GOLGA8T: variants seen among roughly 807,000 people sequenced by gnomAD.
GOLGA8T encodes golgin A8 family member T.
Under a neutral mutation model 52.0 loss-of-function variants are expected in GOLGA8T, and 17 were observed. The ratio of observed to expected loss-of-function variants is 0.33; its 90% CI spans 0.22 to 0.49. GOLGA8T has a LOEUF of 0.49. Ranked by LOEUF, GOLGA8T falls within the 20% of genes least tolerant of loss-of-function variation. The pLI is 0.99. For missense variants in GOLGA8T, 154 were observed against 462.1 expected, an observed-to-expected ratio of 0.33 and a Z score of 6.11; for synonymous variants, 67 against 169.5, an observed-to-expected ratio of 0.40 and a Z score of 4.70.
intron 2 of GOLGA8T, among the ~76,000 whole-genome samples, chr15:30,137,228 A>G (rs1376861443): frequency 3.4e-5 from 5 of 147,692 alleles, no homozygotes; most frequent in African/African-American, 1.3e-4. Flanking sequence ...ATACAAAAAC[A>G]TTAGCCAAGC....
chr15:30,142,384 T>C lies in GOLGA8T; in HGVS notation c.1200+2T>C, dbSNP rs567349703. 3 of 1,556,940 alleles carry C rather than the reference T, an allele frequency of 1.9e-6. 1 individual carries two copies. In the South Asian group the frequency reaches 3.4e-5, roughly 18 times the overall value. ...GAGCTACAGGAGAAGCTTGGCGAGG[T>C]GAAGGAGACGGAAACCTCCACCCCA... On this transcript the variant is annotated splice_donor_variant, in intron 13 of 18. Coordinates refer to ENST00000569052, the MANE Select transcript of GOLGA8T (RefSeq NM_001355469.2). LOFTEE classifies it high-confidence loss of function.
chr15:30,142,550 G>T (rs1270819630), intron 13 of GOLGA8T, among the ~76,000 whole-genome samples, 168 bp downstream of exon 13: 1 of 145,806 alleles, frequency 6.9e-6, no homozygotes, highest in Non-Finnish European at 1.5e-5. Context: ...GACTTTTAAA[G>T]GTGGGTAGCC....
Position 30,142,379 on chromosome 15 carries a change from C to G in GOLGA8T, c.1197C>G (p.Gly399=), listed in dbSNP as rs527828932. 1.5e-5 allele frequency: 23 copies of G among 1,551,006 alleles called. No individual in the cohort carries two copies. The highest frequency in any genetic ancestry group is 2.4e-5 in the East Asian group (1 of 42,502). The change falls in exon 13 of 19, where the codon GGC becomes GGG. Residue 399 remains glycine, a synonymous_variant. Transcript: ENST00000569052. Reference sequence around the variant, plus strand: ...TAAAGGAGCTACAGGAGAAGCTTGGCGAGGTGAAGGAGACGGAAACCTCCA... The same window carrying G: ...TAAAGGAGCTACAGGAGAAGCTTGGGGAGGTGAAGGAGACGGAAACCTCCA... ...QQVKELQEKL[G]EEHLEAASQQ... is the part of the protein sequence containing the mutation.
chr15:30,140,586 G>A (rs2057729100), intron 8 of GOLGA8T, among the ~76,000 whole-genome samples: 2 of 140,128 alleles, frequency 1.4e-5, no homozygotes, highest in South Asian at 2.2e-4. Context: ...TTCAAACAGT[G>A]GTAATAATAA....
At chr15:30,140,812 G>A (rs564853197) in intron 8 of GOLGA8T, 30 bp from the exon 9 acceptor site, 1 of 1,486,678 alleles carries the variant, frequency 6.7e-7, no homozygotes, top group Non-Finnish European at 9.2e-7. Flanking sequence ...AGGCTCTCCA[G>A]ATTGAAACTT....
intron 13 of GOLGA8T, 65 bp downstream of exon 13, chr15:30,142,447 G>A (rs2140649461): frequency 2.5e-6 from 4 of 1,581,138 alleles, no homozygotes; most frequent in South Asian, 1.1e-5. Context: ...AGACTCTGGG[G>A]AGGGGAGGTA....
At position 30,145,407 on chromosome 15, in the gene GOLGA8T, GCCT is replaced by G; in HGVS notation, c.1738_1740del (p.Leu580del). ...CTCTCCAAAGATCTTCGTGAGGTGA[GCCT>G]CACCTCCTCTGCCCAAGGAGAGGCC... On this transcript the variant is annotated inframe_deletion, in exon 19 of 19. Transcript: ENST00000569052. 1 of 1,510,452 alleles carries G rather than the reference GCCT, an allele frequency of 6.6e-7. No homozygotes were observed. The highest frequency in any genetic ancestry group is 8.8e-7 in the Non-Finnish European group (1 of 1,140,614). 93.6% of individuals were successfully genotyped at this position (1,510,452 alleles called of 1,614,324 possible).
In GOLGA8T at chr15:30,142,817, C is replaced by T. The variant is rs1443273111; in HGVS notation, c.1200+435C>T. Among the ~76,000 whole-genome samples, 612 of 111,868 alleles carry T rather than the reference C, an allele frequency of 5.5e-3. 15 individuals are homozygous for T. The highest frequency in any genetic ancestry group is 0.032 in the African/African-American group (530 of 16,594). 73.4% of individuals were successfully genotyped at this position (111,868 alleles called of 152,430 possible). A position where few individuals can be genotyped will look rare whatever the true frequency, so the allele number is the denominator to read the frequency against. The stretch of plus-strand genomic sequence containing the variant: ...AAAAAAAATTAGCAGGACATTGTGG[C>T]GCATGCCTGTAATTCCACCTACTCG... On this transcript the variant is annotated intron_variant, in intron 13 of 18. Transcript: ENST00000569052.
rs890383793 is a variant in GOLGA8T at position 30,148,281 on chromosome 15, G to T, written c.*2714G>T. ...GGAAGAATCAAAACACCTATTTAAA[G>T]ATGGCAATATATAATAATCATTTTA... On this transcript the variant is annotated 3_prime_UTR_variant, in exon 19 of 19. Coordinates refer to ENST00000569052, the MANE Select transcript of GOLGA8T (RefSeq NM_001355469.2). 8.2e-6 allele frequency among the ~76,000 whole-genome samples: 1 copy of T among 121,362 alleles called. No individual in the cohort carries two copies. The highest frequency in any genetic ancestry group is 4.3e-5 in the African/African-American group (1 of 23,102). 79.6% of individuals were successfully genotyped at this position (121,362 alleles called of 152,430 possible).
At chr15:30,142,610 G>A (rs909544976) in intron 13 of GOLGA8T, among the ~76,000 whole-genome samples, 3 of 142,224 alleles carry the variant, frequency 2.1e-5, no homozygotes, top group Non-Finnish European at 4.5e-5. Context: ...GAGGCATGGA[G>A]CCCCCAATCA....
chr15:30,142,482 T>C lies in GOLGA8T; in HGVS notation c.1200+100T>C. The C allele has an allele frequency of 7.1e-6, 11 of 1,541,788 alleles. 1 individual carries two copies. The South Asian group carries it at 1.3e-4, about 18-fold the overall frequency. On this transcript the variant is annotated intron_variant, in intron 13 of 18. Transcript: ENST00000569052. ...ACGAGGCCAGAGGCAGCTTCCAGCC[T>C]GGGGGCTGGTGACCACAGCACCCCC...
At chr15:30,137,339 T>C (rs1239411074) in intron 2 of GOLGA8T, among the ~76,000 whole-genome samples, 7 of 125,630 alleles carry the variant, frequency 5.6e-5, no homozygotes, top group Non-Finnish European at 8.2e-5. Context: ...ATTATGCCAC[T>C]GCACTCCAGC....
chr15:30,143,380 A>G (rs1194467365), intron 13 of GOLGA8T, among the ~76,000 whole-genome samples: 21 of 117,440 alleles, frequency 1.8e-4, no homozygotes, highest in Non-Finnish European at 1.9e-4. Flanking sequence ...GTACGTGGCC[A>G]CCTATCAGCA....
In GOLGA8T at chr15:30,148,436, T is replaced by C. The variant is rs1268236465; in HGVS notation, c.*2869T>C. Among the ~76,000 whole-genome samples the C allele has an allele frequency of 2.3e-5, 3 of 129,974 alleles. No homozygotes were observed. Among genetic ancestry groups the C allele is most frequent in the African/African-American group, 1.1e-4 (3 of 26,194 alleles). The allele number at this position is 129,974 out of a possible 152,430, so 85.3% of individuals were successfully genotyped here. A position where few individuals can be genotyped will look rare whatever the true frequency, so the allele number is the denominator to read the frequency against. On this transcript the variant is annotated 3_prime_UTR_variant, in exon 19 of 19. Coordinates refer to ENST00000569052, the MANE Select transcript of GOLGA8T (RefSeq NM_001355469.2). ...ATAATATAGTTTCTCTAAAACTTTA[T>C]CTTAGTCATTTTAAAATAATATAAC...
Position 30,141,869 on chromosome 15 carries a change from A to G in GOLGA8T, c.942A>G (p.Glu314=), listed in dbSNP as rs1327345166. ...SEVELQHLRK[E]LERVAGELQA... is the part of the protein sequence containing the mutation. ...TGGAGCTGCAGCACCTGAGGAAGGA[A>G]CTAGAGAGAGTGGCAGGAGAGCTCC... Residue 314 remains glutamate (E), a synonymous_variant, in exon 12 of 19, where the codon GAA becomes GAG. Transcript: ENST00000569052. The G allele has an allele frequency of 1.9e-6, 1 of 527,834 alleles. No individual in the cohort carries two copies. Among genetic ancestry groups the G allele is most frequent in the South Asian group, 2.1e-5 (1 of 46,940 alleles). The allele number at this position is 527,834 out of a possible 1,614,324, so 32.7% of individuals were successfully genotyped here. A position where few individuals can be genotyped will look rare whatever the true frequency, so the allele number is the denominator to read the frequency against.
chr15:30,143,525 G>C lies in GOLGA8T; in HGVS notation c.1201-81G>C. 5 of 1,393,934 alleles carry C rather than the reference G, an allele frequency of 3.6e-6. No homozygotes were observed. The South Asian group carries it at 6.6e-5, about 18-fold the overall frequency. 86.3% of individuals were successfully genotyped at this position (1,393,934 alleles called of 1,614,324 possible). ...TGCCAAAAGTTGCAGGAGACCCAGG[G>C]GAGGGAGCTGCCGAGGATGGGGCTG... is the stretch of plus-strand genomic sequence containing the variant. On this transcript the variant is annotated intron_variant, in intron 13 of 18. Transcript: ENST00000569052.
chr15:30,137,292 G>A (rs1319902234), intron 2 of GOLGA8T, among the ~76,000 whole-genome samples: 2 of 142,422 alleles, frequency 1.4e-5, no homozygotes, highest in African/African-American at 5.5e-5. Context: ...GCAAGAGAAT[G>A]GTGTGAACCT....
At chr15:30,140,675 C>G (rs1312341816) in intron 8 of GOLGA8T, among the ~76,000 whole-genome samples, 167 bp from the exon 9 acceptor site, 1 of 145,230 alleles carries the variant, frequency 6.9e-6, no homozygotes, top group South Asian at 2.1e-4. Context: ...ATTCCCTGTC[C>G]GTTCCAACTT....
At position 30,142,526 on chromosome 15, in the gene GOLGA8T, T is replaced by G. The variant is rs2057759550; in HGVS notation, c.1200+144T>G. The stretch of plus-strand genomic sequence containing the variant: ...CACCCCCCAGGGCAGTCCTGTTTCT[T>G]GCTTCCTGCCTCTGACTTTTAAAGG... On this transcript the variant is annotated intron_variant, in intron 13 of 18. Transcript: ENST00000569052. The G allele has an allele frequency of 6.1e-6, 9 of 1,474,978 alleles. 1 individual carries two copies. Among genetic ancestry groups the G allele is most frequent in the Non-Finnish European group, 8.2e-6 (9 of 1,102,756 alleles). 91.4% of individuals were successfully genotyped at this position (1,474,978 alleles called of 1,614,324 possible). A position where few individuals can be genotyped will look rare whatever the true frequency, so the allele number is the denominator to read the frequency against.
Sources: gnomAD v4.1 joint callset for allele counts (sites outside exome capture counted in the v4.1 genomes callset) on GRCh38, gnomAD v4.1.1 for gene constraint, MANE v1.5 for transcripts, NCBI Gene and HGNC (gene_info 2026-07-23, HGNC 2026-07-21) for gene names.